GRID1: variants seen among roughly 807,000 people sequenced by gnomAD.
GRID1 encodes the protein glutamate receptor ionotropic, delta-1.
A neutral mutation model predicts 98.0 loss-of-function variants in GRID1; 28 were observed. That is an observed-to-expected ratio of 0.29 (90% CI 0.21 to 0.39). GRID1 has a LOEUF of 0.39. GRID1 is among the 10% of genes least tolerant of loss of function. The pLI is 1.00. For missense variants in GRID1, 1,111 were observed against 1,340.5 expected (o/e 0.83, Z 2.67); for synonymous variants, 553 against 538.5 (o/e 1.03, Z -0.37).
At chr10:86,137,702 C>A (rs961543314) in intron 4 of GRID1, among the ~76,000 whole-genome samples, 2 of 152,090 alleles carry the variant, frequency 1.3e-5, no homozygotes. Context: ...GTGAAAATGC[C>A]GGGAGCCGAC....
At chr10:85,860,494 G>A (rs565825505) in intron 6 of GRID1, among the ~76,000 whole-genome samples, 8 of 152,336 alleles carry the variant, frequency 5.3e-5, no homozygotes, top group African/African-American at 1.9e-4. Flanking sequence ...AAAAGGGCTT[G>A]AGGCCTTCCT....
chr10:85,971,761 T>C (rs989876469), intron 4 of GRID1, among the ~76,000 whole-genome samples: 1 of 152,126 alleles, frequency 6.6e-6, no homozygotes, highest in Non-Finnish European at 1.5e-5. Flanking sequence ...ATTCCTGCAA[T>C]CATTTTGGGA....
chr10:85,816,214 T>C (rs1374510856), intron 8 of GRID1, among the ~76,000 whole-genome samples: 1 of 152,148 alleles, frequency 6.6e-6, no homozygotes, highest in Non-Finnish European at 1.5e-5. Context: ...TTTACATAAA[T>C]ATCTTTACAA....
intron 2 of GRID1, among the ~76,000 whole-genome samples, chr10:86,209,070 A>G (rs1846073338): frequency 6.6e-6 from 1 of 152,256 alleles, no homozygotes; most frequent in African/African-American, 2.4e-5. Context: ...GGTGAAAGTG[A>G]TACAAAATTG....
Position 85,855,883 on chromosome 10 carries a change from G to A in GRID1, c.1113+146C>T, listed in dbSNP as rs1206541627. 4.4e-6 allele frequency: 3 copies of A among 679,250 alleles called. No homozygotes were observed. In the East Asian group the frequency reaches 7.6e-5, roughly 17 times the overall value. 42.1% of individuals were successfully genotyped at this position (679,250 alleles called of 1,614,324 possible). A position where few individuals can be genotyped will look rare whatever the true frequency, so the allele number is the denominator to read the frequency against. The stretch of plus-strand genomic sequence containing the variant: ...TGGCCTGCAGATGCTGGGACAGGAA[G>A]AGTGACAAGGAGAGAGGAATGGGGA... On this transcript the variant is annotated intron_variant, in intron 7 of 15. Coordinates refer to ENST00000327946, the MANE Select transcript of GRID1 (RefSeq NM_017551.3).
intron 4 of GRID1, among the ~76,000 whole-genome samples, chr10:85,970,244 G>C (rs920273556): frequency 1.3e-5 from 2 of 152,020 alleles, no homozygotes; most frequent in African/African-American, 4.8e-5. Flanking sequence ...AATATTTAAA[G>C]AAGATTTAAT....
At chr10:85,934,413 GACACACACACACACACAC>G (rs5786728) in intron 4 of GRID1, among the ~76,000 whole-genome samples, 6 of 141,414 alleles carry the variant, frequency 4.2e-5, no homozygotes, top group East Asian at 2.1e-4. Flanking sequence ...GCAGAGATTG[GACACACACACACACACAC>G]ACACACACAC....
chr10:85,786,236 G>A (rs1262840575), intron 8 of GRID1, among the ~76,000 whole-genome samples: 1 of 152,184 alleles, frequency 6.6e-6, no homozygotes, highest in Non-Finnish European at 1.5e-5. Flanking sequence ...TGATTTTAGT[G>A]TGATTTCTAC....
intron 8 of GRID1, among the ~76,000 whole-genome samples, chr10:85,824,479 T>C (rs1026172392): frequency 6.6e-6 from 1 of 152,252 alleles, no homozygotes; most frequent in South Asian, 2.1e-4. Context: ...CCCAAGGTGC[T>C]GGCATTACAG....
intron 2 of GRID1, among the ~76,000 whole-genome samples, chr10:86,215,415 G>A (rs1846163933): frequency 6.6e-6 from 1 of 152,204 alleles, no homozygotes; most frequent in Non-Finnish European, 1.5e-5. Context: ...TGCTCCTGCA[G>A]ATTGGAAACA....
chr10:85,870,984 TGGA>T (rs1424929234), intron 5 of GRID1, among the ~76,000 whole-genome samples: 6 of 151,976 alleles, frequency 3.9e-5, no homozygotes, highest in Admixed American at 1.3e-4. Flanking sequence ...GGAACAAAAC[TGGA>T]GGAGGAGAGA....
chr10:85,865,914 T>TAC (rs1554836174), intron 6 of GRID1, among the ~76,000 whole-genome samples: 3 of 37,990 alleles, frequency 7.9e-5, no homozygotes, highest in East Asian at 2.7e-3. Flanking sequence ...CATATATACA[T>TAC]ATATATATAT....
intron 4 of GRID1, among the ~76,000 whole-genome samples, chr10:85,985,258 T>G (rs1389177719): frequency 6.6e-6 from 1 of 152,204 alleles, no homozygotes; most frequent in Admixed American, 6.5e-5. Flanking sequence ...TTCATTGACT[T>G]GCCCAACGTC....
At chr10:86,135,501 T>G (rs1844910784) in intron 4 of GRID1, among the ~76,000 whole-genome samples, 1 of 151,766 alleles carries the variant, frequency 6.6e-6, no homozygotes, top group Non-Finnish European at 1.5e-5. Context: ...CTCCACACCT[T>G]TTTAAGATGA....
At position 85,952,729 on chromosome 10, in the gene GRID1, C is replaced by A. The variant is rs146373982; in HGVS notation, c.727-36490G>T. Among the ~76,000 whole-genome samples the A allele has an allele frequency of 1.7e-3, 258 of 152,174 alleles. 1 individual carries two copies. Among genetic ancestry groups the A allele is most frequent in the African/African-American group, 5.9e-3 (244 of 41,528 alleles). ...TTCATGGGTTCTCTCTGGTATGATC[C>A]CCCCCTCCAAACCAATGATCTAGGC... On this transcript the variant is annotated intron_variant, in intron 4 of 15. Coordinates refer to ENST00000327946, the MANE Select transcript of GRID1 (RefSeq NM_017551.3).
chr10:86,290,954 G>C (rs1414618271), intron 2 of GRID1, among the ~76,000 whole-genome samples: 1 of 152,202 alleles, frequency 6.6e-6, no homozygotes, highest in African/African-American at 2.4e-5. Flanking sequence ...AAGCGGCCCA[G>C]GGCAGCAGTG....
At chr10:85,979,768 G>T (rs1842521625) in intron 4 of GRID1, among the ~76,000 whole-genome samples, 1 of 152,208 alleles carries the variant, frequency 6.6e-6, no homozygotes, top group Non-Finnish European at 1.5e-5. Context: ...CTGCAGCACT[G>T]CTGTCCTTGG....
At chr10:86,125,753 A>C (rs1022794081) in intron 4 of GRID1, among the ~76,000 whole-genome samples, 4 of 152,058 alleles carry the variant, frequency 2.6e-5, no homozygotes, top group Non-Finnish European at 5.9e-5. Flanking sequence ...TCCTCAGCCT[A>C]CTCAACATGA....
chr10:86,171,507 G>T (rs770849155), intron 3 of GRID1, among the ~76,000 whole-genome samples: 2 of 152,208 alleles, frequency 1.3e-5, no homozygotes, highest in Non-Finnish European at 2.9e-5. Context: ...TCTATTAACC[G>T]AGGTGGGGAC....
Sources: allele counts gnomAD v4.1 joint callset (sites outside exome capture counted in the v4.1 genomes callset), GRCh38; gene constraint gnomAD v4.1.1; transcripts MANE v1.5; gene names NCBI Gene and HGNC (gene_info 2026-07-23, HGNC 2026-07-21).